CNTN4: variants seen among roughly 807,000 people sequenced by gnomAD.
The protein encoded by CNTN4 is contactin-4.
Under a neutral mutation model 122.5 loss-of-function variants are expected in CNTN4, and 77 were observed. The observed-to-expected ratio is 0.63, with a 90% CI of 0.52 to 0.76. The LOEUF is 0.76. Ranked by LOEUF, CNTN4 falls within the 30% of genes least tolerant of loss-of-function variation. The pLI is 0.00. For missense variants in CNTN4, 1,256 were observed against 1,259.1 expected (o/e 1.00, Z 0.04); for synonymous variants, 512 against 447.0 (o/e 1.15, Z -1.83).
chr3:3,040,154 G>C lies in CNTN4; in HGVS notation c.2281G>C (p.Val761Leu). The C allele has an allele frequency of 6.2e-7, 1 of 1,614,150 alleles. No homozygotes were observed. The highest frequency in any genetic ancestry group is 8.5e-7 in the Non-Finnish European group (1 of 1,179,962). The change falls in exon 20 of 25, where the codon GTG becomes CTG. Residue 761 changes from valine (V) to leucine (L), a missense_variant. Val to Leu is a conservative substitution (Grantham distance 32). Coordinates refer to ENST00000418658, the MANE Select transcript of CNTN4 (RefSeq NM_175607.3). ...VLASADASRY[V>L]FRNESVHPFS... ...GGCCTCAGCTGATGCCTCTAGATAC[G>C]TGTTCAGGAATGAGAGCGTGCACCC...
intron 12 of CNTN4, among the ~76,000 whole-genome samples, chr3:2,908,666 G>A (rs2094264177): frequency 6.6e-6 from 1 of 152,176 alleles, no homozygotes; most frequent in Admixed American, 6.5e-5. Context: ...CTTAAGTGGG[G>A]TTCCAGAAGT....
chr3:2,433,269 AT>A (rs2151217509), intron 3 of CNTN4, among the ~76,000 whole-genome samples: 1 of 152,244 alleles, frequency 6.6e-6, no homozygotes, highest in African/African-American at 2.4e-5. Context: ...ATAGTGCACA[AT>A]GGTTTCCCTT....
intron 6 of CNTN4, among the ~76,000 whole-genome samples, chr3:2,789,439 T>C (rs1336683661): frequency 6.6e-6 from 1 of 152,196 alleles, no homozygotes; most frequent in Admixed American, 6.5e-5. Context: ...CTCAGATTTC[T>C]TTTTTTCTTT....
chr3:2,629,811 G>T (rs1351254258), intron 4 of CNTN4, among the ~76,000 whole-genome samples: 1 of 152,138 alleles, frequency 6.6e-6, no homozygotes, highest in Non-Finnish European at 1.5e-5. Flanking sequence ...GATTACTAGA[G>T]AGTTCATGAT....
chr3:2,819,886 C>T (rs925503275), intron 7 of CNTN4, among the ~76,000 whole-genome samples: 2 of 152,284 alleles, frequency 1.3e-5, no homozygotes, highest in Admixed American at 6.5e-5. Context: ...CTTCTTACAA[C>T]TTGATTGGGT....
At chr3:2,946,882 G>T (rs560789472) in intron 13 of CNTN4, among the ~76,000 whole-genome samples, 2 of 151,656 alleles carry the variant, frequency 1.3e-5, no homozygotes, top group Non-Finnish European at 2.9e-5. Context: ...ATTTCTTAAC[G>T]TTTTGTAGCA....
intron 6 of CNTN4, among the ~76,000 whole-genome samples, chr3:2,754,958 CT>C: frequency 6.6e-6 from 1 of 152,036 alleles, no homozygotes; most frequent in East Asian, 1.9e-4. Context: ...AATCTGAGTT[CT>C]CTTTAACTGG....
Position 3,043,577 on chromosome 3 carries a change from T to G in CNTN4, c.2699-15T>G, listed in dbSNP as rs779154346. ...TTAATAATCTGTGACTTCGTATATC[T>G]TAATTTTTTTATAGCACCAAGTCAA... On this transcript the variant is annotated splice_polypyrimidine_tract_variant and intron_variant, in intron 22 of 24. Coordinates refer to ENST00000418658, the MANE Select transcript of CNTN4 (RefSeq NM_175607.3). 8 of 1,571,730 alleles carry G rather than the reference T, an allele frequency of 5.1e-6. No homozygotes were observed. The highest frequency in any genetic ancestry group is 1.7e-4 in the Middle Eastern group (1 of 6,000).
At chr3:2,349,065 G>A (rs62244022) in intron 3 of CNTN4, among the ~76,000 whole-genome samples, 19,370 of 152,152 alleles carry the variant, frequency 0.13, 1,537 homozygotes, top group Non-Finnish European at 0.18. Context: ...TCCAGCTGAA[G>A]TCTTTTAAAA....
chr3:2,284,341 G>A (rs2041830445), intron 2 of CNTN4, among the ~76,000 whole-genome samples: 1 of 152,094 alleles, frequency 6.6e-6, no homozygotes, highest in Non-Finnish European at 1.5e-5. Flanking sequence ...CTTTATTTTA[G>A]GCCAATCTAT....
chr3:2,855,230 CATTGGCTTAGTTAAGCTGGAGGTTTCAG>C (rs2093605789), intron 7 of CNTN4, among the ~76,000 whole-genome samples: 1 of 152,212 alleles, frequency 6.6e-6, no homozygotes, highest in Non-Finnish European at 1.5e-5. Context: ...ACTGCCATGT[CATTGGCTTAGTTAAGCTGGAGGTTTCAG>C]TTGCAGTGGC....
intron 3 of CNTN4, among the ~76,000 whole-genome samples, chr3:2,569,878 C>CG (rs1276398834): frequency 2.0e-5 from 3 of 152,120 alleles, no homozygotes; most frequent in African/African-American, 7.2e-5. Context: ...TCCTTGATAA[C>CG]GGGATATCAT....
intron 17 of CNTN4, among the ~76,000 whole-genome samples, chr3:3,036,227 GCAATT>G (rs1699592195): frequency 6.6e-6 from 1 of 152,148 alleles, no homozygotes; most frequent in South Asian, 2.1e-4. Flanking sequence ...CCAGTGTTGA[GCAATT>G]CATATAAATC....
chr3:2,396,515 G>T (rs562470595), intron 3 of CNTN4, among the ~76,000 whole-genome samples: 96 of 152,132 alleles, frequency 6.3e-4, no homozygotes, highest in Non-Finnish European at 1.0e-3. Context: ...CTTTGCTCTG[G>T]ACATCCTCAC....
chr3:2,210,846 A>G (rs1153536), intron 2 of CNTN4, among the ~76,000 whole-genome samples: 11,156 of 152,252 alleles, frequency 0.073, 442 homozygotes, highest in African/African-American at 0.083. Context: ...TAACTGTTGT[A>G]TCTTCAGAAA....
At chr3:3,049,321 G>A (rs1701020579) in intron 23 of CNTN4, among the ~76,000 whole-genome samples, 1 of 152,112 alleles carries the variant, frequency 6.6e-6, no homozygotes, top group African/African-American at 2.4e-5. Flanking sequence ...GACCTCAGGT[G>A]ATCCGCCTGC....
chr3:2,547,380 C>T (rs1017809396), intron 3 of CNTN4, among the ~76,000 whole-genome samples: 4 of 151,996 alleles, frequency 2.6e-5, no homozygotes, highest in African/African-American at 7.2e-5. Flanking sequence ...TCTTTGGCCA[C>T]AGCCTCCCTC....
chr3:2,165,916 A>C lies in CNTN4; in HGVS notation c.-145+65277A>C, dbSNP rs185908808. On this transcript the variant is annotated intron_variant, in intron 2 of 24. Coordinates refer to ENST00000418658, the MANE Select transcript of CNTN4 (RefSeq NM_175607.3). ...TGTGTGGAATATTATATTACTATTAATATTATATGCTATATTTTATATATA... is the reference window on the plus strand; with the variant it reads ...TGTGTGGAATATTATATTACTATTACTATTATATGCTATATTTTATATATA... 1.7e-3 allele frequency among the ~76,000 whole-genome samples: 260 copies of C among 152,200 alleles called. 1 individual carries two copies. The highest frequency in any genetic ancestry group is 5.8e-3 in the African/African-American group (242 of 41,516).
At chr3:2,604,877 A>G (rs975620605) in intron 4 of CNTN4, among the ~76,000 whole-genome samples, 6 of 152,032 alleles carry the variant, frequency 3.9e-5, no homozygotes, top group African/African-American at 1.4e-4. Context: ...AAGAGCCAAT[A>G]AAGGAAATAT....
Sources: gnomAD v4.1 joint callset for allele counts (sites outside exome capture counted in the v4.1 genomes callset) on GRCh38, gnomAD v4.1.1 for gene constraint, MANE v1.5 for transcripts, NCBI Gene and HGNC (gene_info 2026-07-23, HGNC 2026-07-21) for gene names.